AK9: variants seen among roughly 807,000 people sequenced by gnomAD.
AK9 encodes adenylate kinase domain containing 1.
AK9 carries 191 observed loss-of-function variants against 239.6 expected under a neutral mutation model. The ratio of observed to expected loss-of-function variants is 0.80; its 90% CI spans 0.71 to 0.90. The LOEUF (loss-of-function observed/expected upper bound fraction) is 0.90. Among genes scored for constraint, AK9 ranks in the 40% least tolerant of loss-of-function variants. The pLI is 0.00. For synonymous variants in AK9, 689 were observed against 721.0 expected, an observed-to-expected ratio of 0.96 and a Z score of 0.71; for missense variants, 1,995 against 2,214.7, an observed-to-expected ratio of 0.90 and a Z score of 1.99.
intron 17 of AK9, among the ~76,000 whole-genome samples, chr6:109,602,125 T>TA (rs1258577601): frequency 6.6e-6 from 1 of 152,234 alleles, no homozygotes; most frequent in East Asian, 1.9e-4. Flanking sequence ...ATTATGATAT[T>TA]AGCTGGTTAT....
chr6:109,527,316 G>A (rs139010601), intron 29 of AK9, among the ~76,000 whole-genome samples: 96 of 152,332 alleles, frequency 6.3e-4, no homozygotes, highest in African/African-American at 2.1e-3. Context: ...TTTGTTTAGG[G>A]CAAGAAGACA....
chr6:109,649,044 G>C (rs1018236808), intron 8 of AK9, among the ~76,000 whole-genome samples: 12 of 152,064 alleles, frequency 7.9e-5, no homozygotes, highest in Non-Finnish European at 1.3e-4. Context: ...TTCAACAACC[G>C]TTCATGCTAA....
At chr6:109,521,208 CA>C (rs1406863139) in intron 29 of AK9, among the ~76,000 whole-genome samples, 1 of 151,878 alleles carries the variant, frequency 6.6e-6, no homozygotes, top group Non-Finnish European at 1.5e-5. Flanking sequence ...CTATAGAAAC[CA>C]GTTTAGAAAG....
At chr6:109,657,406 T>A (rs1347780211) in intron 7 of AK9, among the ~76,000 whole-genome samples, 1 of 151,754 alleles carries the variant, frequency 6.6e-6, no homozygotes, top group African/African-American at 2.4e-5. Flanking sequence ...GGAAGAAAAA[T>A]AAAGCAGGGT....
At chr6:109,582,583 C>T (rs12208933) in intron 19 of AK9, among the ~76,000 whole-genome samples, 43,960 of 151,976 alleles carry the variant, frequency 0.29, 6,974 homozygotes, top group Middle Eastern at 0.4. Context: ...AAGAGTTCTT[C>T]TCATGGATGA....
chr6:109,510,256 G>A (rs150446891), intron 32 of AK9, among the ~76,000 whole-genome samples: 171 of 152,260 alleles, frequency 1.1e-3, no homozygotes, highest in African/African-American at 3.7e-3. Flanking sequence ...CAGCCAGAGC[G>A]TGGGAGAGGA....
intron 6 of AK9, among the ~76,000 whole-genome samples, chr6:109,661,804 T>C (rs1444234691): frequency 6.6e-6 from 1 of 152,168 alleles, no homozygotes; most frequent in African/African-American, 2.4e-5. Context: ...TATCATTCAT[T>C]TTGACATAAA....
intron 15 of AK9, among the ~76,000 whole-genome samples, chr6:109,613,428 A>T (rs1222503340): frequency 1.3e-5 from 2 of 152,000 alleles, no homozygotes; most frequent in Admixed American, 1.3e-4. Flanking sequence ...AGTAAAAATT[A>T]AAACAACAGA....
chr6:109,622,942 C>T (rs758084815), intron 12 of AK9, among the ~76,000 whole-genome samples: 3 of 152,036 alleles, frequency 2.0e-5, no homozygotes, highest in African/African-American at 7.2e-5. Flanking sequence ...ATGTACTTCT[C>T]CCATCCTAGG....
chr6:109,501,082 A>T (rs1777564185), intron 35 of AK9, among the ~76,000 whole-genome samples: 2 of 152,200 alleles, frequency 1.3e-5, no homozygotes, highest in Non-Finnish European at 2.9e-5. Flanking sequence ...TGTAATCGAT[A>T]AGATGAAATT....
At chr6:109,638,589 C>T (rs571243846) in intron 10 of AK9, among the ~76,000 whole-genome samples, 3 of 152,268 alleles carry the variant, frequency 2.0e-5, no homozygotes, top group South Asian at 4.1e-4. Context: ...AGCTGATCCC[C>T]CCACCTCAGC....
chr6:109,550,036 C>G, intron 25 of AK9, 54 bp downstream of exon 25: 1 of 1,540,592 alleles, frequency 6.5e-7, no homozygotes, highest in Non-Finnish European at 8.9e-7. Context: ...GATTGGTAAT[C>G]AGTCCCAAAA....
chr6:109,603,014 C>G (rs938743137), intron 17 of AK9, among the ~76,000 whole-genome samples: 1 of 152,248 alleles, frequency 6.6e-6, no homozygotes, highest in Admixed American at 6.5e-5. Context: ...GCGATGGGTT[C>G]GAACTTCCTC....
chr6:109,542,292 G>A (rs1259308850), intron 26 of AK9, 121 bp from the exon 27 acceptor site: 6 of 917,864 alleles, frequency 6.5e-6, no homozygotes, highest in Non-Finnish European at 9.5e-6. Context: ...TAGAATGAAA[G>A]TTACCACAGG....
chr6:109,526,425 A>G (rs560561462), intron 29 of AK9, among the ~76,000 whole-genome samples: 2 of 152,266 alleles, frequency 1.3e-5, no homozygotes, highest in African/African-American at 4.8e-5. Flanking sequence ...AGAGAAACAG[A>G]AAACAGAGGG....
At chr6:109,609,603 C>T (rs185692462) in intron 17 of AK9, among the ~76,000 whole-genome samples, 1 of 152,194 alleles carries the variant, frequency 6.6e-6, no homozygotes, top group Admixed American at 6.5e-5. Flanking sequence ...CCATGAGAAC[C>T]CGAGAGTCAG....
chr6:109,644,702 A>G lies in AK9; in HGVS notation c.760-14T>C, dbSNP rs901301036. On this transcript the variant is annotated splice_polypyrimidine_tract_variant and intron_variant, in intron 8 of 40. Coordinates refer to ENST00000424296, the MANE Select transcript of AK9 (RefSeq NM_001145128.3). ...AGCCATTACTTCCTGCAGATAATAG[A>G]AAAGAAACTTTATAATACAGGATCA... 1.9e-6 allele frequency: 3 copies of G among 1,598,966 alleles called. No homozygotes were observed. The highest frequency in any genetic ancestry group is 1.7e-6 in the Non-Finnish European group (2 of 1,171,792).
At chr6:109,660,072 C>T (rs1800226995) in intron 6 of AK9, among the ~76,000 whole-genome samples, 1 of 152,174 alleles carries the variant, frequency 6.6e-6, no homozygotes, top group African/African-American at 2.4e-5. Flanking sequence ...ATCCAAATTA[C>T]AATTAAAACC....
At chr6:109,512,965 G>C (rs117309199) in intron 32 of AK9, among the ~76,000 whole-genome samples, 3,866 of 152,302 alleles carry the variant, frequency 0.025, 93 homozygotes, top group East Asian at 0.11. Context: ...CTTGGCTCAA[G>C]TGGTCCTCCC....
Sources: gnomAD v4.1 joint callset for allele counts (sites outside exome capture counted in the v4.1 genomes callset) on GRCh38, gnomAD v4.1.1 for gene constraint, MANE v1.5 for transcripts, NCBI Gene and HGNC (gene_info 2026-07-23, HGNC 2026-07-21) for gene names.